OLA1: variants seen among roughly 807,000 people sequenced by gnomAD.
The protein encoded by OLA1 is obg-like ATPase 1.
Under a neutral mutation model 48.4 loss-of-function variants are expected in OLA1, and 14 were observed. The ratio of observed to expected loss-of-function variants is 0.29; its 90% CI spans 0.19 to 0.45. The LOEUF (loss-of-function observed/expected upper bound fraction) is 0.45, where lower values mean the gene tolerates loss of function less well. Ranked by LOEUF, OLA1 falls within the 20% of genes least tolerant of loss-of-function variation. The pLI, the probability that OLA1 is intolerant of heterozygous loss-of-function variation, is 1.00. For synonymous variants in OLA1, 127 were observed against 150.4 expected (o/e 0.84, Z 1.14); for missense variants, 325 against 467.1 (o/e 0.70, Z 2.80).
intron 7 of OLA1, among the ~76,000 whole-genome samples, chr2:174,089,901 CAAA>C (rs549770214): frequency 2.4e-4 from 13 of 53,438 alleles, no homozygotes; most frequent in Admixed American, 5.7e-4. Flanking sequence ...GACCCTGTCT[CAAA>C]AAAAAAAAAA....
chr2:174,121,244 A>C (rs939294463), intron 7 of OLA1, among the ~76,000 whole-genome samples: 3 of 152,194 alleles, frequency 2.0e-5, no homozygotes, highest in African/African-American at 7.2e-5. Flanking sequence ...GGAAAATGGC[A>C]ATCTTTCTGG....
chr2:174,075,409 T>C lies in OLA1; in HGVS notation c.*17A>G. On this transcript the variant is annotated 3_prime_UTR_variant, in exon 11 of 11. Transcript: ENST00000284719. ...GCCTTTTGGAAGTTGTATGTTTATCTGAGCAATAACTAAATTTTATTTCTT... is the reference window on the plus strand; with the variant it reads ...GCCTTTTGGAAGTTGTATGTTTATCCGAGCAATAACTAAATTTTATTTCTT... 6.8e-7 allele frequency: 1 copy of C among 1,462,916 alleles called. No homozygotes were observed. The highest frequency in any genetic ancestry group is 9.6e-7 in the Non-Finnish European group (1 of 1,047,088). The allele number at this position is 1,462,916 out of a possible 1,614,324, so 90.6% of individuals were successfully genotyped here. A position where few individuals can be genotyped will look rare whatever the true frequency, so the allele number is the denominator to read the frequency against.
chr2:174,228,905 T>C (rs879011200), intron 3 of OLA1, among the ~76,000 whole-genome samples: 1 of 152,170 alleles, frequency 6.6e-6, no homozygotes, highest in Admixed American at 6.5e-5. Context: ...TGAGACGGAG[T>C]CTTGCTCTGT....
intron 4 of OLA1, among the ~76,000 whole-genome samples, chr2:174,161,879 C>T (rs188628686): frequency 6.6e-6 from 1 of 152,124 alleles, no homozygotes; most frequent in Non-Finnish European, 1.5e-5. Context: ...CTTTTATTGA[C>T]TGCTATGTAA....
intron 4 of OLA1, among the ~76,000 whole-genome samples, chr2:174,205,959 A>T (rs1027607027): frequency 1.3e-5 from 2 of 152,186 alleles, no homozygotes; most frequent in African/African-American, 4.8e-5. Context: ...AGGGCTAGCA[A>T]ATGGCACTAC....
At chr2:174,243,214 GGTCAGGCTGTGAAACCAGCC>G (rs531562907) in intron 2 of OLA1, among the ~76,000 whole-genome samples, 319 of 152,252 alleles carry the variant, frequency 2.1e-3, no homozygotes, top group African/African-American at 7.4e-3. Flanking sequence ...TCACCACGCT[GGTCAGGCTGTGAAACCAGCC>G]TCAGGGCAGC....
At chr2:174,102,423 A>T (rs1482122969) in intron 7 of OLA1, among the ~76,000 whole-genome samples, 2 of 151,728 alleles carry the variant, frequency 1.3e-5, no homozygotes, top group Non-Finnish European at 2.9e-5. Flanking sequence ...ATTAGAAATG[A>T]AAGGCTAATA....
chr2:174,246,225 G>A (rs867061488), intron 2 of OLA1, among the ~76,000 whole-genome samples: 2 of 151,886 alleles, frequency 1.3e-5, no homozygotes, highest in African/African-American at 2.4e-5. Context: ...ACTTGAACCC[G>A]GGAGGCAGAG....
chr2:174,127,245 G>A (rs1429458655), intron 5 of OLA1, among the ~76,000 whole-genome samples: 2 of 152,156 alleles, frequency 1.3e-5, no homozygotes, highest in African/African-American at 4.8e-5. Flanking sequence ...GAAGGTTCAT[G>A]TTCTCTTCCA....
intron 1 of OLA1, among the ~76,000 whole-genome samples, chr2:174,247,493 T>C (rs775199934): frequency 6.6e-6 from 1 of 152,242 alleles, no homozygotes; most frequent in Non-Finnish European, 1.5e-5. Flanking sequence ...ACCTGATATA[T>C]GGTTATATGA....
chr2:174,202,525 TA>T (rs1688014072), intron 4 of OLA1, among the ~76,000 whole-genome samples: 1 of 152,178 alleles, frequency 6.6e-6, no homozygotes, highest in African/African-American at 2.4e-5. Flanking sequence ...AAACCTTGAA[TA>T]ACACCATGGG....
At chr2:174,230,223 A>C (rs1688697103) in intron 2 of OLA1, among the ~76,000 whole-genome samples, 1 of 152,154 alleles carries the variant, frequency 6.6e-6, no homozygotes, top group Non-Finnish European at 1.5e-5. Flanking sequence ...AATAAAAAAT[A>C]AAATATGATA....
At chr2:174,097,224 A>G (rs1268115723) in intron 7 of OLA1, among the ~76,000 whole-genome samples, 2 of 152,172 alleles carry the variant, frequency 1.3e-5, no homozygotes, top group African/African-American at 4.8e-5. Flanking sequence ...GCCTAACTGA[A>G]TATTTATAGA....
intron 4 of OLA1, among the ~76,000 whole-genome samples, chr2:174,181,551 G>A (rs540602983): frequency 6.6e-6 from 1 of 152,294 alleles, no homozygotes; most frequent in East Asian, 1.9e-4. Context: ...CAGATTTCAC[G>A]TGCAAGTGGA....
At chr2:174,164,021 C>A (rs1012746394) in intron 4 of OLA1, among the ~76,000 whole-genome samples, 4 of 151,226 alleles carry the variant, frequency 2.6e-5, no homozygotes, top group Admixed American at 6.6e-5. Context: ...GGAGTGGTTA[C>A]CCCCATTCTG....
intron 5 of OLA1, among the ~76,000 whole-genome samples, chr2:174,128,264 G>T (rs986847299): frequency 6.6e-6 from 1 of 151,730 alleles, no homozygotes; most frequent in African/African-American, 2.4e-5. Context: ...ACTGGGCGTG[G>T]TGGTGTGTGT....
intron 4 of OLA1, among the ~76,000 whole-genome samples, chr2:174,160,476 T>C (rs1415716909): frequency 1.3e-5 from 2 of 152,194 alleles, no homozygotes; most frequent in African/African-American, 4.8e-5. Flanking sequence ...AACCTGGTTA[T>C]GCTGAGATTC....
intron 4 of OLA1, among the ~76,000 whole-genome samples, chr2:174,164,387 T>TCTGCATAGTGCAGAATGGATACTA (rs1687113896): frequency 2.5e-5 from 1 of 40,204 alleles, no homozygotes. Context: ...ACCATTCTGT[T>TCTGCATAGTGCAGAATGGATACTA]TTATGTTTGG....
chr2:174,093,365 G>A (rs1304927280), intron 7 of OLA1, among the ~76,000 whole-genome samples: 1 of 151,906 alleles, frequency 6.6e-6, no homozygotes, highest in Non-Finnish European at 1.5e-5. Flanking sequence ...CCACCCAGGA[G>A]GTTGAGGTGG....
Sources: gnomAD v4.1 joint callset for allele counts (sites outside exome capture counted in the v4.1 genomes callset) on GRCh38, gnomAD v4.1.1 for gene constraint, MANE v1.5 for transcripts, NCBI Gene and HGNC (gene_info 2026-07-23, HGNC 2026-07-21) for gene names.